NRF1: variants seen among roughly 807,000 people sequenced by gnomAD.
The protein encoded by NRF1 is alpha palindromic-binding protein.
A neutral mutation model predicts 58.5 loss-of-function variants in NRF1; 5 were observed. The observed-to-expected ratio is 0.09, with a 90% CI of 0.04 to 0.18. NRF1 has a LOEUF of 0.18. Among genes scored for constraint, NRF1 ranks in the 10% least tolerant of loss-of-function variants. The pLI, the probability that NRF1 is intolerant of heterozygous loss-of-function variation, is 1.00. For synonymous variants in NRF1, 224 were observed against 246.7 expected (o/e 0.91, Z 0.86); for missense variants, 288 against 657.7 (o/e 0.44, Z 6.15).
At chr7:129,696,232 C>T (rs1039534546) in intron 5 of NRF1, among the ~76,000 whole-genome samples, 8 of 151,894 alleles carry the variant, frequency 5.3e-5, no homozygotes, top group African/African-American at 1.2e-4. Context: ...GCAACAAGAG[C>T]GAAACTCCGT....
At chr7:129,631,487 T>TA (rs956100335) in intron 1 of NRF1, among the ~76,000 whole-genome samples, 4 of 152,188 alleles carry the variant, frequency 2.6e-5, no homozygotes, top group African/African-American at 9.7e-5. Flanking sequence ...AGGCTGGTCT[T>TA]AAATTCCTAG....
At chr7:129,646,676 T>C (rs1047262595) in intron 1 of NRF1, among the ~76,000 whole-genome samples, 1 of 152,144 alleles carries the variant, frequency 6.6e-6, no homozygotes, top group African/African-American at 2.4e-5. Context: ...ATTATAACAA[T>C]GAAAACAGCA....
intron 1 of NRF1, among the ~76,000 whole-genome samples, chr7:129,626,275 G>C (rs1167148424): frequency 6.6e-6 from 1 of 152,206 alleles, no homozygotes; most frequent in Non-Finnish European, 1.5e-5. Context: ...GAGTCCCTGA[G>C]TATCCTGTGT....
At position 129,681,484 on chromosome 7, in the gene NRF1, G is replaced by T. The variant is rs138968571; in HGVS notation, c.465+3726G>T. On this transcript the variant is annotated intron_variant, in intron 4 of 10. Transcript: ENST00000393232. ...CTACAAAAATAAATCATGGATCACG[G>T]CATTAATATCAGACAAAGCCTAATT... 8.5e-5 allele frequency among the ~76,000 whole-genome samples: 13 copies of T among 152,248 alleles called. No individual in the cohort carries two copies. In the East Asian group the frequency reaches 2.5e-3, roughly 29 times the overall value.
intron 2 of NRF1, among the ~76,000 whole-genome samples, chr7:129,658,069 T>C (rs1025658544): frequency 6.6e-6 from 1 of 152,202 alleles, no homozygotes; most frequent in East Asian, 1.9e-4. Flanking sequence ...TTTATTCCAA[T>C]TACGTTAAAC....
At chr7:129,715,563 G>T (rs1803166582) in intron 8 of NRF1, among the ~76,000 whole-genome samples, 1 of 152,080 alleles carries the variant, frequency 6.6e-6, no homozygotes, top group African/African-American at 2.4e-5. Flanking sequence ...AAATAACTTT[G>T]ATCTATAATT....
At chr7:129,728,517 T>TA (rs1205669740) in intron 10 of NRF1, among the ~76,000 whole-genome samples, 1 of 125,458 alleles carries the variant, frequency 8.0e-6, no homozygotes, top group Non-Finnish European at 1.7e-5. Context: ...TGAGGATAGA[T>TA]AAATAACATA....
intron 10 of NRF1, among the ~76,000 whole-genome samples, chr7:129,751,613 C>CAGTT (rs960342818): frequency 3.3e-5 from 5 of 152,252 alleles, no homozygotes; most frequent in East Asian, 3.8e-4. Context: ...TGGTTGCTCA[C>CAGTT]AGTTAGTTAG....
At chr7:129,742,666 A>C (rs1803875977) in intron 10 of NRF1, among the ~76,000 whole-genome samples, 1 of 152,198 alleles carries the variant, frequency 6.6e-6, no homozygotes, top group Admixed American at 6.5e-5. Flanking sequence ...CAAAGCATCC[A>C]ATTTAGATTG....
chr7:129,737,835 G>A (rs1320636203), intron 10 of NRF1, among the ~76,000 whole-genome samples: 4 of 152,192 alleles, frequency 2.6e-5, no homozygotes, highest in African/African-American at 9.7e-5. Flanking sequence ...GTGCTGTTGT[G>A]TTCTATGACA....
intron 5 of NRF1, 109 bp from the exon 6 acceptor site, chr7:129,708,966 T>C: frequency 5.3e-6 from 5 of 940,090 alleles, no homozygotes; most frequent in Non-Finnish European, 7.3e-6. Flanking sequence ...TAGAATTCTC[T>C]GGGACCTTCC....
chr7:129,624,178 G>A (rs1401558402), intron 1 of NRF1, among the ~76,000 whole-genome samples: 1 of 152,126 alleles, frequency 6.6e-6, no homozygotes, highest in Non-Finnish European at 1.5e-5. Flanking sequence ...AAATCCATCA[G>A]GTCTCTGCTC....
chr7:129,616,272 A>G (rs1800657684), intron 1 of NRF1, among the ~76,000 whole-genome samples: 1 of 152,246 alleles, frequency 6.6e-6, no homozygotes, highest in African/African-American at 2.4e-5. Flanking sequence ...AAAACTTTAC[A>G]GAGATGTTCT....
At chr7:129,667,973 C>T (rs900422558) in intron 2 of NRF1, among the ~76,000 whole-genome samples, 1 of 152,022 alleles carries the variant, frequency 6.6e-6, no homozygotes, top group African/African-American at 2.4e-5. Flanking sequence ...CTATGGTGCC[C>T]AGGCTAGTCT....
chr7:129,689,663 A>G (rs1802518890), intron 4 of NRF1, among the ~76,000 whole-genome samples: 1 of 152,168 alleles, frequency 6.6e-6, no homozygotes, highest in African/African-American at 2.4e-5. Flanking sequence ...TTAAGTTGAG[A>G]CATGTAACTG....
chr7:129,619,490 G>GTATATATATATA (rs67190499), intron 1 of NRF1, among the ~76,000 whole-genome samples: 30 of 48,574 alleles, frequency 6.2e-4, no homozygotes, highest in African/African-American at 1.1e-3. Context: ...GTGTGTGTGT[G>GTATATATATATA]TATATATATA....
intron 10 of NRF1, among the ~76,000 whole-genome samples, chr7:129,751,305 A>ACTT (rs1804109999): frequency 6.6e-6 from 1 of 152,210 alleles, no homozygotes; most frequent in South Asian, 2.1e-4. Context: ...AGGGGTTTGG[A>ACTT]CTTTATATCC....
At chr7:129,632,702 T>G (rs1445603252) in intron 1 of NRF1, among the ~76,000 whole-genome samples, 1 of 152,212 alleles carries the variant, frequency 6.6e-6, no homozygotes, top group Non-Finnish European at 1.5e-5. Context: ...TTATATGTTT[T>G]TAAGCTTTGT....
chr7:129,624,696 T>A (rs542445291), intron 1 of NRF1, among the ~76,000 whole-genome samples: 2 of 152,198 alleles, frequency 1.3e-5, no homozygotes, highest in South Asian at 2.1e-4. Flanking sequence ...TATTATTATT[T>A]TTTGGAGACA....
Sources: gnomAD v4.1 joint callset for allele counts (sites outside exome capture counted in the v4.1 genomes callset) on GRCh38, gnomAD v4.1.1 for gene constraint, MANE v1.5 for transcripts, NCBI Gene and HGNC (gene_info 2026-07-23, HGNC 2026-07-21) for gene names.